Variants in ROCK2 observed in about 807,000 individuals in gnomAD.
The protein encoded by ROCK2 is Rho associated coiled-coil containing protein kinase 2.
A neutral mutation model predicts 195.1 loss-of-function variants in ROCK2; 61 were observed. That is an observed-to-expected ratio of 0.31 (90% CI 0.25 to 0.39). The LOEUF (loss-of-function observed/expected upper bound fraction) is 0.39. ROCK2 is among the 10% of genes least tolerant of loss of function. ROCK2 has a pLI of 1.00. For missense variants in ROCK2, 1,109 were observed against 1,637.4 expected (o/e 0.68, Z 5.57); for synonymous variants, 504 against 545.5 (o/e 0.92, Z 1.06).
Position 11,181,413 on chromosome 2 carries a change from G to A in ROCK2, c.*2024C>T, listed in dbSNP as rs1404444140. 6.6e-6 allele frequency: 1 copy of A among 151,740 alleles called. No homozygotes were observed. The highest frequency in any genetic ancestry group is 1.5e-5 in the Non-Finnish European group (1 of 67,978). The allele number at this position is 151,740 out of a possible 1,614,324, so 9.4% of individuals were successfully genotyped here. A position where few individuals can be genotyped will look rare whatever the true frequency, so the allele number is the denominator to read the frequency against. ...GCAGAACACACCTGCAAAGGAAACG[G>A]CATGCACGTCTAGTCTGAGCACAGA... On this transcript the variant is annotated 3_prime_UTR_variant, in exon 33 of 33. Transcript: ENST00000315872.
At chr2:11,274,049 A>G (rs1666742460) in intron 3 of ROCK2, among the ~76,000 whole-genome samples, 1 of 152,118 alleles carries the variant, frequency 6.6e-6, no homozygotes, top group South Asian at 2.1e-4. Context: ...GAAATTAGGA[A>G]ATACTCCAGA....
intron 3 of ROCK2, among the ~76,000 whole-genome samples, chr2:11,258,535 A>C (rs555031008): frequency 6.6e-6 from 1 of 151,584 alleles, no homozygotes; most frequent in African/African-American, 2.4e-5. Flanking sequence ...ACAGTGAATA[A>C]GCACAAAAGT....
intron 1 of ROCK2, among the ~76,000 whole-genome samples, chr2:11,312,753 A>G (rs925434605): frequency 2.0e-5 from 3 of 152,166 alleles, no homozygotes; most frequent in Non-Finnish European, 4.4e-5. Context: ...CAATAGGTAA[A>G]TGATAAACTG....
intron 1 of ROCK2, among the ~76,000 whole-genome samples, chr2:11,317,606 ATATATATTTT>A (rs1173195092): frequency 6.2e-5 from 1 of 16,158 alleles, no homozygotes; most frequent in Admixed American, 7.7e-4. Context: ...ATATATATAT[ATATATATTTT>A]TTTTTTTTTT....
At chr2:11,222,046 T>C (rs369018273) in intron 8 of ROCK2, 37 bp downstream of exon 8, 14 of 1,224,966 alleles carry the variant, frequency 1.1e-5, no homozygotes, top group South Asian at 9.7e-5. Flanking sequence ...AGTTTCAGAA[T>C]GTGATGGAAT....
intron 1 of ROCK2, among the ~76,000 whole-genome samples, chr2:11,318,932 C>T (rs1558389788): frequency 6.6e-6 from 1 of 152,136 alleles, no homozygotes; most frequent in African/African-American, 2.4e-5. Flanking sequence ...GGTATTATTT[C>T]TGAGGGCTCC....
chr2:11,344,747 C>T (rs866209358), upstream of ROCK2, among the ~76,000 whole-genome samples: 1 of 149,620 alleles, frequency 6.7e-6, no homozygotes, highest in South Asian at 2.1e-4. The surrounding 1 kb of genome is among the most constrained non-coding windows in gnomAD (Gnocchi z 5.4). Flanking sequence ...ACCGCGCTTC[C>T]TCCCTTTCTT....
chr2:11,215,038 G>T lies in ROCK2; in HGVS notation c.1738C>A (p.Arg580=), dbSNP rs377618955. The change falls in exon 16 of 33, where the codon CGG becomes AGG. Residue 580 remains arginine (R), a synonymous_variant. Coordinates refer to ENST00000315872, the MANE Select transcript of ROCK2 (RefSeq NM_004850.5). ...CTTTCTGCCTGGGTTTTCCTTAACC[G>T]GGCTGCAGTATCAGACTCTGTTCGC... The part of the protein sequence containing the change: ...LLRTESDTAA[R]LRKTQAESSK... 5.0e-6 allele frequency: 8 copies of T among 1,613,848 alleles called. No individual in the cohort carries two copies. The highest frequency in any genetic ancestry group is 1.6e-4 in the Middle Eastern group (1 of 6,084).
chr2:11,212,622 G>C (rs1664289223), intron 17 of ROCK2, among the ~76,000 whole-genome samples: 1 of 151,734 alleles, frequency 6.6e-6, no homozygotes, highest in Admixed American at 6.6e-5. Flanking sequence ...AAACCCCAAA[G>C]GTTTTCTAAT....
At chr2:11,305,794 T>C (rs986537097) in intron 1 of ROCK2, among the ~76,000 whole-genome samples, 4 of 152,190 alleles carry the variant, frequency 2.6e-5, no homozygotes, top group Admixed American at 2.0e-4. Context: ...ATGTAAGATA[T>C]AAACACTATG....
At chr2:11,332,195 G>C (rs1015373725) in intron 1 of ROCK2, among the ~76,000 whole-genome samples, 5 of 151,834 alleles carry the variant, frequency 3.3e-5, no homozygotes, top group African/African-American at 7.3e-5. Flanking sequence ...ACACAGATCA[G>C]CAAGACTCAT....
rs1339544557 is a variant in ROCK2 at position 11,180,002 on chromosome 2, A to C, written c.*3435T>G. 2 of 149,354 alleles carry C rather than the reference A, an allele frequency of 1.3e-5. No individual in the cohort carries two copies. Among genetic ancestry groups the C allele is most frequent in the Non-Finnish European group, 3.0e-5 (2 of 67,506 alleles). The allele number at this position is 149,354 out of a possible 1,614,324, so 9.3% of individuals were successfully genotyped here. A position where few individuals can be genotyped will look rare whatever the true frequency, so the allele number is the denominator to read the frequency against. On this transcript the variant is annotated 3_prime_UTR_variant, in exon 33 of 33. Transcript: ENST00000315872. Reference sequence around the variant, plus strand: ...GGGAGTCAGGGAGAGGCCCCCCCCCAAGCATGATATCCAGCGCTGTCACAC... The same window carrying C: ...GGGAGTCAGGGAGAGGCCCCCCCCCCAGCATGATATCCAGCGCTGTCACAC...
intron 1 of ROCK2, among the ~76,000 whole-genome samples, chr2:11,304,102 G>C (rs936523069): frequency 6.6e-6 from 1 of 151,796 alleles, no homozygotes; most frequent in Non-Finnish European, 1.5e-5. Flanking sequence ...TCACTCCCTC[G>C]AACTCCATCT....
chr2:11,219,361 A>AAAAAAAAC, intron 9 of ROCK2, among the ~76,000 whole-genome samples: 1 of 149,572 alleles, frequency 6.7e-6, no homozygotes, highest in Admixed American at 6.7e-5. Flanking sequence ...AAAAAAAAAA[A>AAAAAAAAC]TTAGCCGGGC....
intron 4 of ROCK2, among the ~76,000 whole-genome samples, chr2:11,239,317 A>G (rs756106122): frequency 7.2e-5 from 11 of 152,200 alleles, no homozygotes; most frequent in Non-Finnish European, 1.0e-4. Flanking sequence ...TGATATATAT[A>G]TAGCATTGGT....
At position 11,219,142 on chromosome 2, in the gene ROCK2, A is replaced by T. The variant is rs185767516; in HGVS notation, c.1260-116T>A. On this transcript the variant is annotated intron_variant, in intron 9 of 32. Coordinates refer to ENST00000315872, the MANE Select transcript of ROCK2 (RefSeq NM_004850.5). ...ACACAGATTTCTCTCTTTTCCCTTCAACACATTATTTACAAATGAAGCAAT... is the reference window on the plus strand; with the variant it reads ...ACACAGATTTCTCTCTTTTCCCTTCTACACATTATTTACAAATGAAGCAAT... 325 of 489,556 alleles carry T rather than the reference A, an allele frequency of 6.6e-4. 2 individuals are homozygous for T. The East Asian group carries it at 8.3e-3, about 13-fold the overall frequency. 30.3% of individuals were successfully genotyped at this position (489,556 alleles called of 1,614,324 possible). A position where few individuals can be genotyped will look rare whatever the true frequency, so the allele number is the denominator to read the frequency against.
chr2:11,328,098 A>G (rs970074457), intron 1 of ROCK2, among the ~76,000 whole-genome samples: 4 of 152,124 alleles, frequency 2.6e-5, no homozygotes, highest in African/African-American at 9.7e-5. Context: ...CTCTGATATG[A>G]AACTTCTATC....
intron 1 of ROCK2, chr2:11,308,667 C>T (rs1667939499): frequency 8.1e-6 from 12 of 1,481,158 alleles, no homozygotes; most frequent in Non-Finnish European, 1.1e-5. Flanking sequence ...AAAGAAGATA[C>T]ATATGTTCAT....
chr2:11,200,168 GCAGA>G (rs1473143751), intron 23 of ROCK2, among the ~76,000 whole-genome samples: 3 of 152,040 alleles, frequency 2.0e-5, no homozygotes, highest in Admixed American at 6.6e-5. Flanking sequence ...TTACTGAATT[GCAGA>G]CATTCTACAT....
Sources: allele counts gnomAD v4.1 joint callset (sites outside exome capture counted in the v4.1 genomes callset), GRCh38; gene constraint gnomAD v4.1.1; non-coding constraint Gnocchi (gnomAD v3.1); transcripts MANE v1.5; gene names NCBI Gene and HGNC (gene_info 2026-07-23, HGNC 2026-07-21).